Variants in DPP10 observed in about 807,000 individuals in gnomAD.
DPP10 encodes dipeptidyl peptidase like 10.
Under a neutral mutation model 120.9 loss-of-function variants are expected in DPP10, and 33 were observed. That is an observed-to-expected ratio of 0.27 (90% CI 0.21 to 0.37). DPP10 has a LOEUF of 0.37. DPP10 is among the 10% of genes least tolerant of loss of function. The probability of loss-of-function intolerance (pLI) is 1.00; values close to 1 mark genes in which losing one functional copy is unlikely to be tolerated. For missense variants in DPP10, 816 were observed against 942.8 expected, an observed-to-expected ratio of 0.87 and a Z score of 1.76; for synonymous variants, 337 against 326.1, an observed-to-expected ratio of 1.03 and a Z score of -0.36.
chr2:114,447,316 C>T (rs1405202196), intron 1 of DPP10, among the ~76,000 whole-genome samples: 1 of 151,992 alleles, frequency 6.6e-6, no homozygotes, highest in Non-Finnish European at 1.5e-5. Context: ...AATTCTATAC[C>T]CCTAACCTAA....
chr2:115,431,728 C>A (rs2071004170), intron 3 of DPP10, among the ~76,000 whole-genome samples: 1 of 152,010 alleles, frequency 6.6e-6, no homozygotes, highest in African/African-American at 2.4e-5. Context: ...CAGCTTGCCC[C>A]GAATGCACAC....
chr2:114,950,125 A>G (rs1697664190), intron 1 of DPP10, among the ~76,000 whole-genome samples: 1 of 152,124 alleles, frequency 6.6e-6, no homozygotes, highest in Non-Finnish European at 1.5e-5. Flanking sequence ...TTTCCTAACT[A>G]GCTATAACTA....
At chr2:115,133,647 G>A (rs115207718) in intron 1 of DPP10, among the ~76,000 whole-genome samples, 2,470 of 152,186 alleles carry the variant, frequency 0.016, 32 homozygotes, top group African/African-American at 0.03. Flanking sequence ...TCATGGAAAC[G>A]CAGCTCTTAA....
At position 115,704,806 on chromosome 2, in the gene DPP10, G is replaced by A. The variant is rs574543974; in HGVS notation, c.576+14885G>A. On this transcript the variant is annotated intron_variant, in intron 7 of 25. Transcript: ENST00000410059. ...TCAATATAACAAGCTTTTATGCTGA[G>A]ATCTAAAATTTGATTGCTATTCAAA... 2.6e-5 allele frequency among the ~76,000 whole-genome samples: 4 copies of A among 151,948 alleles called. No homozygotes were observed. The South Asian group carries it at 8.3e-4, about 32-fold the overall frequency.
chr2:115,267,128 A>G (rs1409223458), intron 1 of DPP10, among the ~76,000 whole-genome samples: 1 of 152,162 alleles, frequency 6.6e-6, no homozygotes, highest in African/African-American at 2.4e-5. Context: ...ATTATATGCT[A>G]GAAGGAATCA....
intron 1 of DPP10, chr2:115,233,843 G>T (rs1023029344): frequency 2.1e-6 from 1 of 469,018 alleles, no homozygotes; most frequent in African/African-American, 2.0e-5. Flanking sequence ...TGGGATGCAG[G>T]CTTTTCCCCA....
At chr2:115,564,855 T>C (rs187455341) in intron 5 of DPP10, among the ~76,000 whole-genome samples, 2 of 152,314 alleles carry the variant, frequency 1.3e-5, no homozygotes, top group East Asian at 3.9e-4. Context: ...GAATCAATAG[T>C]ATTAGTCAGT....
chr2:114,550,456 C>A (rs1055784872), intron 1 of DPP10, among the ~76,000 whole-genome samples: 11 of 152,344 alleles, frequency 7.2e-5, no homozygotes, highest in Non-Finnish European at 1.2e-4. Context: ...CCAAAGGTCA[C>A]ACAGCCAGTA....
chr2:115,184,950 AATC>A (rs2054330341), intron 1 of DPP10, among the ~76,000 whole-genome samples: 1 of 152,260 alleles, frequency 6.6e-6, no homozygotes, highest in Non-Finnish European at 1.5e-5. Flanking sequence ...CAAAGGATAC[AATC>A]ATCATTGCTT....
intron 19 of DPP10, among the ~76,000 whole-genome samples, chr2:115,793,106 G>A (rs1317513388): frequency 6.6e-6 from 1 of 152,140 alleles, no homozygotes; most frequent in African/African-American, 2.4e-5. Flanking sequence ...TAGTTTATAA[G>A]AGGAATATAA....
rs570001060 is a variant in DPP10, at chr2:115,067,025, A to T, written c.61-242214A>T. Among the ~76,000 whole-genome samples, 1,396 of 152,246 alleles carry T rather than the reference A, an allele frequency of 9.2e-3. 26 individuals carry two copies. Among genetic ancestry groups the T allele is most frequent in the African/African-American group, 0.032 (1,332 of 41,556 alleles). On this transcript the variant is annotated intron_variant, in intron 1 of 25. Transcript: ENST00000410059. ...TTCCAAAACTAATTCATTCTGCATA[A>T]CTGCAACTTTATGTCATTTTACCAA...
chr2:114,894,579 A>G lies in DPP10; in HGVS notation c.61-414660A>G, dbSNP rs140022656. 7.7e-4 allele frequency among the ~76,000 whole-genome samples: 117 copies of G among 152,294 alleles called. 2 individuals are homozygous for G. In the East Asian group the frequency reaches 0.012, roughly 15 times the overall value. On this transcript the variant is annotated intron_variant, in intron 1 of 25. Coordinates refer to ENST00000410059, the MANE Select transcript of DPP10 (RefSeq NM_020868.6). The stretch of plus-strand genomic sequence containing the variant: ...TTTGTCTAAAGGATATTTGGGAAGT[A>G]TACTGTATCAAAGCAGCAGAAAAGG...
intron 1 of DPP10, among the ~76,000 whole-genome samples, chr2:114,848,701 A>C (rs1346554383): frequency 1.3e-5 from 2 of 152,190 alleles, no homozygotes; most frequent in Non-Finnish European, 2.9e-5. Context: ...GGCTTATCAG[A>C]GGTTTGTTTG....
At chr2:114,841,916 C>T (rs189157743) in intron 1 of DPP10, among the ~76,000 whole-genome samples, 2 of 152,180 alleles carry the variant, frequency 1.3e-5, no homozygotes, top group East Asian at 3.9e-4. Flanking sequence ...GGCTTCATTC[C>T]AAGTCTGACT....
At chr2:115,774,117 T>C (rs1681801130) in intron 13 of DPP10, among the ~76,000 whole-genome samples, 1 of 151,964 alleles carries the variant, frequency 6.6e-6, no homozygotes, top group African/African-American at 2.4e-5. Flanking sequence ...ATATATAATA[T>C]TTTTTATACT....
intron 11 of DPP10, among the ~76,000 whole-genome samples, chr2:115,759,233 C>A (rs192943576): frequency 6.6e-6 from 1 of 151,854 alleles, no homozygotes; most frequent in East Asian, 1.9e-4. Flanking sequence ...TGAACAGTTA[C>A]TTATAAGGAA....
At chr2:115,041,126 A>C (rs890080526) in intron 1 of DPP10, among the ~76,000 whole-genome samples, 14 of 151,722 alleles carry the variant, frequency 9.2e-5, no homozygotes, top group Admixed American at 6.6e-5. Context: ...ACAAAAAAAA[A>C]AAAAAAAAAA....
chr2:114,523,662 A>G (rs1312538394), intron 1 of DPP10, among the ~76,000 whole-genome samples: 2 of 152,218 alleles, frequency 1.3e-5, no homozygotes, highest in East Asian at 1.9e-4. Context: ...AGGAGAGGAA[A>G]TGTGCCAGTG....
intron 1 of DPP10, chr2:114,835,232 C>T (rs1467606405): frequency 6.6e-6 from 1 of 150,452 alleles, no homozygotes; most frequent in African/African-American, 2.5e-5. Context: ...ATCTACACAC[C>T]TATGTGTATA....
Sources: allele counts gnomAD v4.1 joint callset (sites outside exome capture counted in the v4.1 genomes callset), GRCh38; gene constraint gnomAD v4.1.1; transcripts MANE v1.5; gene names NCBI Gene and HGNC (gene_info 2026-07-23, HGNC 2026-07-21).